Variants in NAV1 observed in about 807,000 individuals in gnomAD.
The protein encoded by NAV1 is neuron navigator 1, also known as pore membrane and/or filament interacting like protein 3.
Under a neutral mutation model 175.2 loss-of-function variants are expected in NAV1, and 18 were observed. That is an observed-to-expected ratio of 0.10 (90% CI 0.07 to 0.15). The LOEUF is 0.15. Among genes scored for constraint, NAV1 ranks in the 10% least tolerant of loss-of-function variants. The probability of loss-of-function intolerance (pLI) is 1.00; values close to 1 mark genes in which losing one functional copy is unlikely to be tolerated. For synonymous variants in NAV1, 897 were observed against 978.7 expected (o/e 0.92, Z 1.56); for missense variants, 1,731 against 2,436.6 (o/e 0.71, Z 6.10).
intron 1 of NAV1, among the ~76,000 whole-genome samples, chr1:201,564,451 C>T (rs1484707644): frequency 1.3e-5 from 2 of 152,100 alleles, no homozygotes; most frequent in Non-Finnish European, 2.9e-5. Flanking sequence ...CCCGTCTCTA[C>T]TAAAAATACA....
exon 5 of NAV1, chr1:201,781,239 G>A (rs762015373): frequency 1.2e-6 from 2 of 1,613,968 alleles, no homozygotes; most frequent in Non-Finnish European, 1.7e-6. Context: ...CCCTGAAGAA[G>A]GGCAAGACCC....
chr1:201,815,986 C>A (rs1186457030), intron 28 of NAV1, among the ~76,000 whole-genome samples: 1 of 152,150 alleles, frequency 6.6e-6, no homozygotes, highest in Non-Finnish European at 1.5e-5. Context: ...GATCTTCCCA[C>A]CTCGGCCTCC....
At chr1:201,617,532 C>T (rs1431923784) in intron 2 of NAV1, among the ~76,000 whole-genome samples, 1 of 152,044 alleles carries the variant, frequency 6.6e-6, no homozygotes, top group African/African-American at 2.4e-5. Flanking sequence ...TTGAGACCAG[C>T]CAGGGAAACA....
At chr1:201,698,144 C>T (rs1671268202) in intron 1 of NAV1, among the ~76,000 whole-genome samples, 1 of 152,236 alleles carries the variant, frequency 6.6e-6, no homozygotes, top group Non-Finnish European at 1.5e-5. Context: ...CTGTATCCTT[C>T]CTGAACCTGA....
chr1:201,790,564 G>A (rs963911724), exon 12 of NAV1: 3 of 1,613,966 alleles, frequency 1.9e-6, no homozygotes, highest in Non-Finnish European at 2.5e-6. Flanking sequence ...GCTGAGGAGA[G>A]GATGCAATCT....
intron 1 of NAV1, among the ~76,000 whole-genome samples, chr1:201,545,521 CT>C (rs1361485987): frequency 6.6e-6 from 1 of 152,184 alleles, no homozygotes; most frequent in African/African-American, 2.4e-5. Flanking sequence ...CTGCCTCTGC[CT>C]CCCAAAGTGT....
intron 1 of NAV1, among the ~76,000 whole-genome samples, chr1:201,546,432 G>A (rs1465189156): frequency 3.3e-5 from 5 of 152,280 alleles, no homozygotes; most frequent in Middle Eastern, 3.4e-3. Flanking sequence ...GACAGTTAAG[G>A]TGCTTTCCTA....
At chr1:201,560,594 C>A (rs1666168847) in intron 1 of NAV1, among the ~76,000 whole-genome samples, 1 of 152,182 alleles carries the variant, frequency 6.6e-6, no homozygotes, top group African/African-American at 2.4e-5. Context: ...AGGTTCCTTG[C>A]CAGAGCTCTT....
At chr1:201,609,659 G>A (rs879578808) in intron 2 of NAV1, among the ~76,000 whole-genome samples, 1 of 152,194 alleles carries the variant, frequency 6.6e-6, no homozygotes, top group Non-Finnish European at 1.5e-5. Context: ...GGGAGACGTG[G>A]TCATCTGGCT....
At chr1:201,552,654 C>A (rs1306982809) in intron 1 of NAV1, among the ~76,000 whole-genome samples, 2 of 152,128 alleles carry the variant, frequency 1.3e-5, no homozygotes, top group Non-Finnish European at 2.9e-5. Context: ...GTGTTAAGCA[C>A]CCTCTGGCCT....
At chr1:201,709,522 G>A (rs1671807630) in intron 1 of NAV1, among the ~76,000 whole-genome samples, 1 of 152,158 alleles carries the variant, frequency 6.6e-6, no homozygotes, top group South Asian at 2.1e-4. Context: ...GCCTGAAGCT[G>A]TGGCTGTACC....
intron 1 of NAV1, among the ~76,000 whole-genome samples, chr1:201,658,559 G>A (rs1166910285): frequency 1.3e-5 from 2 of 152,110 alleles, no homozygotes; most frequent in Non-Finnish European, 2.9e-5. Flanking sequence ...TGGAAAAGGT[G>A]GTGAAAGAGG....
At chr1:201,693,102 T>G (rs1671028499) in intron 1 of NAV1, among the ~76,000 whole-genome samples, 1 of 152,154 alleles carries the variant, frequency 6.6e-6, no homozygotes, top group South Asian at 2.1e-4. Flanking sequence ...GGAGGTGCCA[T>G]CTGACTATGT....
At chr1:201,680,307 C>T (rs181546136) in intron 1 of NAV1, among the ~76,000 whole-genome samples, 96 of 152,148 alleles carry the variant, frequency 6.3e-4, no homozygotes, top group African/African-American at 2.2e-3. Flanking sequence ...GTCAGGAGTT[C>T]GAGACCAGCC....
chr1:201,633,960 A>G (rs570775518), intron 2 of NAV1, among the ~76,000 whole-genome samples: 1 of 152,308 alleles, frequency 6.6e-6, no homozygotes, highest in East Asian at 1.9e-4. Context: ...ACGGGAGGTC[A>G]TAATAGCACT....
chr1:201,593,573 T>A (rs1446288368), intron 2 of NAV1, among the ~76,000 whole-genome samples: 1 of 152,236 alleles, frequency 6.6e-6, no homozygotes, highest in East Asian at 1.9e-4. Context: ...CCTTTCTCTT[T>A]TGGCGCATTC....
rs997317335 is a variant in NAV1 at position 201,782,736 on chromosome 1, A to G, written c.2224A>G (p.Lys742Glu). 9 of 1,614,036 alleles carry G rather than the reference A, an allele frequency of 5.6e-6. No homozygotes were observed. The highest frequency in any genetic ancestry group is 1.7e-6 in the Non-Finnish European group (2 of 1,180,034). Residue 742 changes from lysine (K) to glutamate (E), a missense_variant, in exon 6 of 30, where the codon AAA (lysine) becomes GAA (glutamate). Physicochemically the swap from Lys to Glu is moderately conservative, Grantham distance 56. This residue lies in a region of NAV1 where 634 missense variants were observed against 766.8 expected (regional missense o/e 0.83). Transcript: ENST00000367296. The surrounding 1 kb of genome is among the most constrained non-coding windows in gnomAD (Gnocchi z 5.4). Reference sequence around the variant, plus strand: ...GACAGATCGGGAAAAGGAGAAGGCCAAAGCCAAGGCAGTGGCCTTGGACTC... The same window carrying G: ...GACAGATCGGGAAAAGGAGAAGGCCGAAGCCAAGGCAGTGGCCTTGGACTC...
intron 3 of NAV1, among the ~76,000 whole-genome samples, chr1:201,748,831 T>C (rs1673928317): frequency 6.6e-6 from 1 of 152,176 alleles, no homozygotes. Flanking sequence ...AGCTACCCCA[T>C]GTCCCTTTTA....
intron 3 of NAV1, among the ~76,000 whole-genome samples, chr1:201,729,160 C>A (rs1208088431): frequency 1.3e-5 from 2 of 152,194 alleles, no homozygotes; most frequent in African/African-American, 4.8e-5. Flanking sequence ...GATAAGCCAG[C>A]TGAGCTTGTG....
Sources: allele counts gnomAD v4.1 joint callset (sites outside exome capture counted in the v4.1 genomes callset), GRCh38; gene constraint gnomAD v4.1.1; regional missense constraint gnomAD v4.1.1; non-coding constraint Gnocchi (gnomAD v3.1); transcripts MANE v1.5; gene names NCBI Gene and HGNC (gene_info 2026-07-23, HGNC 2026-07-21).